Variants in SMCO3 observed in about 807,000 individuals in gnomAD.
The protein encoded by SMCO3 is single-pass membrane protein with coiled-coil domains 3.
In SMCO3, 6 loss-of-function variants were observed where a neutral mutation model predicts 12.0. The observed-to-expected ratio is 0.50, with a 90% CI of 0.27 to 0.99. The LOEUF is 0.99. Ranked by LOEUF, SMCO3 falls within the 50% of genes least tolerant of loss-of-function variation. SMCO3 has a pLI of 0.11. For synonymous variants in SMCO3, 96 were observed against 96.4 expected (o/e 1.00, Z 0.02); for missense variants, 279 against 265.0 (o/e 1.05, Z -0.37).
At chr12:14,808,164 C>CAA (rs550952665) in intron 1 of SMCO3, among the ~76,000 whole-genome samples, 24 of 133,208 alleles carry the variant, frequency 1.8e-4, no homozygotes, top group East Asian at 1.7e-3. Context: ...GACTTTGTCT[C>CAA]AAAAAAAAAA....
rs1221375927 is a variant in SMCO3, at chr12:14,806,054, A to G, written c.627T>C (p.Tyr209=). Residue 209 remains tyrosine (Y), a synonymous_variant, in exon 2 of 2, where the codon TAT becomes TAC. Coordinates refer to ENST00000316048, the MANE Select transcript of SMCO3 (RefSeq NM_001013698.2). ...LVEFKSASEK[Y]NHAITEVINT... ...TGATGACCTCAGTAATGGCATGATT[A>G]TATTTTTCTGAGGCTGATTTGAACT... The G allele has an allele frequency of 7.4e-6, 12 of 1,614,082 alleles. No homozygotes were observed. Among genetic ancestry groups the G allele is most frequent in the African/African-American group, 1.3e-5 (1 of 74,920 alleles).
At chr12:14,813,372 A>G (rs2137270191) in intron 1 of SMCO3, among the ~76,000 whole-genome samples, 1 of 152,354 alleles carries the variant, frequency 6.6e-6, no homozygotes, top group Admixed American at 6.5e-5. Context: ...TTTCAGAAGA[A>G]AATAACAGCT....
intron 1 of SMCO3, among the ~76,000 whole-genome samples, chr12:14,807,944 T>C: frequency 6.6e-6 from 1 of 152,098 alleles, no homozygotes. Flanking sequence ...GGCAGGTGAA[T>C]AACTTGAGGC....
In SMCO3 at chr12:14,813,448, T is replaced by C. The variant is rs536626041; in HGVS notation, c.-17+678A>G. Among the ~76,000 whole-genome samples, 5 of 152,318 alleles carry C rather than the reference T, an allele frequency of 3.3e-5. No individual in the cohort carries two copies. In the East Asian group the frequency reaches 9.6e-4, roughly 29 times the overall value. On this transcript the variant is annotated intron_variant, in intron 1 of 1. Coordinates refer to ENST00000316048, the MANE Select transcript of SMCO3 (RefSeq NM_001013698.2). ...TGTGGCCTTTAATTAAAACAAAAAT[T>C]GATCATGATGTGATGATATACTTTC...
At chr12:14,806,806 C>G in intron 1 of SMCO3, 110 bp from the exon 2 acceptor site, 1 of 984,844 alleles carries the variant, frequency 1.0e-6, no homozygotes, top group Non-Finnish European at 1.5e-6. Context: ...AAGCAAGATG[C>G]TGTCTAAGGA....
At chr12:14,808,729 T>C (rs1950093133) in intron 1 of SMCO3, among the ~76,000 whole-genome samples, 1 of 152,160 alleles carries the variant, frequency 6.6e-6, no homozygotes, top group Non-Finnish European at 1.5e-5. Context: ...CCTGGTAAAA[T>C]AAACTACCAT....
intron 1 of SMCO3, among the ~76,000 whole-genome samples, chr12:14,808,319 C>T (rs933376190): frequency 3.3e-5 from 5 of 151,802 alleles, no homozygotes; most frequent in East Asian, 3.9e-4. Flanking sequence ...AGTAAGAGCA[C>T]GATGCTACTC....
At chr12:14,809,909 A>T (rs1235871931) in intron 1 of SMCO3, among the ~76,000 whole-genome samples, 1 of 152,222 alleles carries the variant, frequency 6.6e-6, no homozygotes, top group Admixed American at 6.5e-5. Context: ...GGAAAAGTTC[A>T]GTCTTACTAG....
Position 14,814,149 on chromosome 12 carries a change from G to A in SMCO3, c.-40C>T, listed in dbSNP as rs938097779. 6.6e-6 allele frequency: 1 copy of A among 152,100 alleles called. No individual in the cohort carries two copies. 9.4% of individuals were successfully genotyped at this position (152,100 alleles called of 1,614,324 possible). A position where few individuals can be genotyped will look rare whatever the true frequency, so the allele number is the denominator to read the frequency against. On this transcript the variant is annotated 5_prime_UTR_variant, in exon 1 of 2. Transcript: ENST00000316048. ...ACCTTGCTGTGTTTCTGAGTTCCGT[G>A]GTCCTAGCAGTTGTTTAGGAGTATT...
At position 14,805,149 on chromosome 12, in the gene SMCO3, C is replaced by A. The variant is rs1235259827; in HGVS notation, c.*854G>T. 6.6e-6 allele frequency: 1 copy of A among 152,172 alleles called. No individual in the cohort carries two copies. Among genetic ancestry groups the A allele is most frequent in the African/African-American group, 2.4e-5 (1 of 41,438 alleles). 9.4% of individuals were successfully genotyped at this position (152,172 alleles called of 1,614,324 possible). A position where few individuals can be genotyped will look rare whatever the true frequency, so the allele number is the denominator to read the frequency against. On this transcript the variant is annotated 3_prime_UTR_variant, in exon 2 of 2. Coordinates refer to ENST00000316048, the MANE Select transcript of SMCO3 (RefSeq NM_001013698.2). ...CTAGTGTTGAAAATGAAATTATATT[C>A]TTTTTTCTGAAAGCTTATAATAAAT...
chr12:14,813,669 A>G (rs559401848), intron 1 of SMCO3, among the ~76,000 whole-genome samples: 131 of 152,326 alleles, frequency 8.6e-4, no homozygotes, highest in African/African-American at 3.1e-3. Flanking sequence ...ATATTTAGAT[A>G]CAACATAATT....
At chr12:14,809,529 C>T (rs1208399014) in intron 1 of SMCO3, among the ~76,000 whole-genome samples, 1 of 152,036 alleles carries the variant, frequency 6.6e-6, no homozygotes, top group Non-Finnish European at 1.5e-5. Flanking sequence ...ATTGTAGAAT[C>T]TCAAATCAAT....
Position 14,805,218 on chromosome 12 carries a change from C to T in SMCO3, c.*785G>A, listed in dbSNP as rs1005723007. The T allele has an allele frequency of 6.6e-6, 1 of 152,196 alleles. No individual in the cohort carries two copies. Among genetic ancestry groups the T allele is most frequent in the Non-Finnish European group, 1.5e-5 (1 of 68,032 alleles). The allele number at this position is 152,196 out of a possible 1,614,324, so 9.4% of individuals were successfully genotyped here. A position where few individuals can be genotyped will look rare whatever the true frequency, so the allele number is the denominator to read the frequency against. On this transcript the variant is annotated 3_prime_UTR_variant, in exon 2 of 2. Coordinates refer to ENST00000316048, the MANE Select transcript of SMCO3 (RefSeq NM_001013698.2). ...GACAAATGCTTTGAGTAGTGACCTT[C>T]TATTCTGCATCCTAAATGCAATATG... is the stretch of plus-strand genomic sequence containing the variant.
chr12:14,806,393 A>C lies in SMCO3; in HGVS notation c.288T>G (p.Tyr96Ter), dbSNP rs767087930. The C allele has an allele frequency of 1.9e-6, 3 of 1,614,200 alleles. No individual in the cohort carries two copies. The Admixed American group carries it at 5.0e-5, about 27-fold the overall frequency. Reference sequence around the variant, plus strand: ...TTTCCTTAATATCCTGAAGTTTTCTATAGAGGGTTGGCTCTAGCTTATCTT... The same window carrying C: ...TTTCCTTAATATCCTGAAGTTTTCTCTAGAGGGTTGGCTCTAGCTTATCTT... ...ALKDKLEPTLYRKLQDIKEKE... is the reference protein window; with the variant it reads ...ALKDKLEPTL The change falls in exon 2 of 2, where the codon TAT (tyrosine) becomes TAG (stop). Residue 96 changes from tyrosine (Y) to a stop codon, truncating the protein, a stop_gained. Coordinates refer to ENST00000316048, the MANE Select transcript of SMCO3 (RefSeq NM_001013698.2). LOFTEE classifies it high-confidence loss of function.
intron 1 of SMCO3, among the ~76,000 whole-genome samples, chr12:14,807,566 G>C (rs1950072813): frequency 6.6e-6 from 1 of 152,010 alleles, no homozygotes. Flanking sequence ...ATCTCTACAG[G>C]CAAGTTATTT....
chr12:14,806,434 C>G lies in SMCO3; in HGVS notation c.247G>C (p.Val83Leu), dbSNP rs778090071. The G allele has an allele frequency of 3.1e-6, 5 of 1,614,080 alleles. No individual in the cohort carries two copies. In the African/African-American group the frequency reaches 6.7e-5, roughly 22 times the overall value. The change falls in exon 2 of 2, where the codon GTT becomes CTT. Residue 83 changes from valine (V) to leucine (L), a missense_variant. Physicochemically the swap from Val to Leu is conservative, Grantham distance 32 (BLOSUM62 1). Coordinates refer to ENST00000316048, the MANE Select transcript of SMCO3 (RefSeq NM_001013698.2). ...AGCTTATCTTTTAGTGCTTCATCAA[C>G]CTTCTGCAATTCCTTTTGGATTTTC... ...IMKIQKELQK[V>L]DEALKDKLEP...
At chr12:14,807,773 A>G (rs567484031) in intron 1 of SMCO3, among the ~76,000 whole-genome samples, 1 of 152,348 alleles carries the variant, frequency 6.6e-6, no homozygotes, top group East Asian at 1.9e-4. Context: ...AAGCTTATAA[A>G]TTAAATTATT....
At chr12:14,808,381 A>T (rs1020813594) in intron 1 of SMCO3, among the ~76,000 whole-genome samples, 105 of 151,828 alleles carry the variant, frequency 6.9e-4, no homozygotes, top group African/African-American at 2.5e-3. Context: ...TTTTTTTTTT[A>T]AATTACACTC....
intron 1 of SMCO3, among the ~76,000 whole-genome samples, chr12:14,809,980 A>C (rs1950110768): frequency 6.6e-6 from 1 of 152,250 alleles, no homozygotes; most frequent in South Asian, 2.1e-4. Context: ...TCCTCCTTTT[A>C]AGTAGTCTTG....
Sources: allele counts gnomAD v4.1 joint callset (sites outside exome capture counted in the v4.1 genomes callset), GRCh38; gene constraint gnomAD v4.1.1; transcripts MANE v1.5; gene names NCBI Gene and HGNC (gene_info 2026-07-23, HGNC 2026-07-21).